DPYD: variants seen among roughly 807,000 people sequenced by gnomAD.
DPYD encodes dihydropyrimidine dehydrogenase.
Under a neutral mutation model 116.2 loss-of-function variants are expected in DPYD, and 109 were observed. That is an observed-to-expected ratio of 0.94 (90% CI 0.80 to 1.10). DPYD has a LOEUF of 1.10. Ranked by LOEUF, DPYD falls within the 50% of genes least tolerant of loss-of-function variation. The pLI is 0.00. For synonymous variants in DPYD, 440 were observed against 432.0 expected, an observed-to-expected ratio of 1.02 and a Z score of -0.23; for missense variants, 1,302 against 1,254.5, an observed-to-expected ratio of 1.04 and a Z score of -0.57.
At chr1:97,790,323 G>A (rs537520926) in intron 3 of DPYD, among the ~76,000 whole-genome samples, 1 of 152,248 alleles carries the variant, frequency 6.6e-6, no homozygotes, top group Non-Finnish European at 1.5e-5. Context: ...CACTTTTCTT[G>A]CATAAGAAAG....
intron 20 of DPYD, among the ~76,000 whole-genome samples, chr1:97,120,630 T>C (rs12080739): frequency 0.033 from 5,073 of 152,238 alleles, 261 homozygotes; most frequent in African/African-American, 0.12. Flanking sequence ...AACAGCCAAT[T>C]TGTGTCAATA....
At chr1:97,112,133 A>G (rs1343773430) in intron 20 of DPYD, among the ~76,000 whole-genome samples, 1 of 152,112 alleles carries the variant, frequency 6.6e-6, no homozygotes, top group East Asian at 1.9e-4. Context: ...ACTTATGTAC[A>G]CAGTGACACT....
At chr1:97,361,158 C>T (rs1278138911) in intron 16 of DPYD, among the ~76,000 whole-genome samples, 2 of 152,170 alleles carry the variant, frequency 1.3e-5, no homozygotes, top group Non-Finnish European at 2.9e-5. Flanking sequence ...AAACCACCAT[C>T]AGAGAATACT....
intron 4 of DPYD, among the ~76,000 whole-genome samples, chr1:97,740,075 T>C (rs1052718605): frequency 6.6e-6 from 1 of 152,142 alleles, no homozygotes; most frequent in African/African-American, 2.4e-5. Context: ...GTTTTGATGA[T>C]CAATGACAGT....
At chr1:97,726,858 T>C (rs888282645) in intron 4 of DPYD, among the ~76,000 whole-genome samples, 3 of 151,500 alleles carry the variant, frequency 2.0e-5, no homozygotes, top group Non-Finnish European at 4.4e-5. Flanking sequence ...GTTTGAAAAA[T>C]TGCAACAAAT....
At chr1:97,368,969 C>G (rs76869799) in intron 16 of DPYD, among the ~76,000 whole-genome samples, 3,974 of 152,218 alleles carry the variant, frequency 0.026, 77 homozygotes, top group Middle Eastern at 0.071. Flanking sequence ...AAAAACACAA[C>G]AACCACAACA....
chr1:97,116,175 T>C (rs1246783388), intron 20 of DPYD, among the ~76,000 whole-genome samples: 4 of 152,172 alleles, frequency 2.6e-5, no homozygotes, highest in African/African-American at 9.7e-5. Context: ...AAAGTTTGTC[T>C]TCCCAAATAA....
At chr1:97,170,387 C>A (rs544643669) in intron 20 of DPYD, among the ~76,000 whole-genome samples, 1 of 152,122 alleles carries the variant, frequency 6.6e-6, no homozygotes, top group Non-Finnish European at 1.5e-5. Flanking sequence ...GAAGCCCATT[C>A]GAGTACTCAG....
intron 18 of DPYD, among the ~76,000 whole-genome samples, chr1:97,288,228 A>T (rs1299313390): frequency 1.1e-4 from 16 of 148,816 alleles, no homozygotes; most frequent in Non-Finnish European, 1.5e-4. Context: ...CTCCCACACA[A>T]TAATAATGGG....
chr1:97,478,823 T>C (rs1678141477), intron 13 of DPYD, among the ~76,000 whole-genome samples: 1 of 152,248 alleles, frequency 6.6e-6, no homozygotes, highest in Non-Finnish European at 1.5e-5. Flanking sequence ...TCATCAGTTC[T>C]CTTAGCTGGA....
chr1:97,357,368 GT>G lies in DPYD; in HGVS notation c.2058+16192del, dbSNP rs202122806. Among the ~76,000 whole-genome samples, 638 of 139,728 alleles carry G rather than the reference GT, an allele frequency of 4.6e-3. 1 individual carries two copies. Among genetic ancestry groups the G allele is most frequent in the African/African-American group, 0.012 (444 of 38,406 alleles). 91.7% of individuals were successfully genotyped at this position (139,728 alleles called of 152,430 possible). A position where few individuals can be genotyped will look rare whatever the true frequency, so the allele number is the denominator to read the frequency against. The stretch of plus-strand genomic sequence containing the variant: ...GTGTTAATTTATTAGTTCTAACAGT[GT>G]TTTTTTTTTTTGGTGGAATCCTTAG... On this transcript the variant is annotated intron_variant, in intron 16 of 22. Coordinates refer to ENST00000370192, the MANE Select transcript of DPYD (RefSeq NM_000110.4).
chr1:97,636,072 T>A (rs1330374557), intron 8 of DPYD, among the ~76,000 whole-genome samples: 2 of 152,006 alleles, frequency 1.3e-5, no homozygotes, highest in Non-Finnish European at 2.9e-5. Context: ...CCACCCACCT[T>A]GGCCTCCCAA....
At chr1:97,165,297 T>C (rs1344475460) in intron 20 of DPYD, among the ~76,000 whole-genome samples, 2 of 151,960 alleles carry the variant, frequency 1.3e-5, no homozygotes, top group South Asian at 2.1e-4. Flanking sequence ...CAACTAATCA[T>C]CAACAAAGCT....
intron 4 of DPYD, among the ~76,000 whole-genome samples, chr1:97,722,737 G>T (rs1662993095): frequency 6.6e-6 from 1 of 151,416 alleles, no homozygotes; most frequent in South Asian, 2.1e-4. Context: ...ATAACAAAAA[G>T]GAACAATGAC....
chr1:97,866,373 C>T (rs940704005), intron 2 of DPYD, among the ~76,000 whole-genome samples: 3 of 151,870 alleles, frequency 2.0e-5, no homozygotes, highest in Non-Finnish European at 4.4e-5. Context: ...TTTAAAGAAG[C>T]AAATGAATTT....
intron 21 of DPYD, among the ~76,000 whole-genome samples, chr1:97,089,227 G>A (rs769597856): frequency 1.3e-5 from 2 of 152,032 alleles, no homozygotes; most frequent in African/African-American, 2.4e-5. Flanking sequence ...ATACATTCCC[G>A]GCTTCATAAA....
chr1:97,647,232 T>A (rs2100833230), intron 8 of DPYD, among the ~76,000 whole-genome samples: 1 of 152,212 alleles, frequency 6.6e-6, no homozygotes, highest in Non-Finnish European at 1.5e-5. Context: ...AATATTTTGG[T>A]GTCCTTTCCA....
intron 16 of DPYD, among the ~76,000 whole-genome samples, chr1:97,327,272 C>T (rs1400459799): frequency 1.9e-4 from 29 of 152,022 alleles, no homozygotes; most frequent in Admixed American, 1.9e-3. Flanking sequence ...GTAGACTCTG[C>T]TTCTCATAAT....
At chr1:97,397,712 A>G (rs1281211926) in intron 14 of DPYD, among the ~76,000 whole-genome samples, 2 of 152,120 alleles carry the variant, frequency 1.3e-5, no homozygotes, top group East Asian at 3.9e-4. Context: ...CCATTTTAGC[A>G]CTAAATAATA....
Sources: gnomAD v4.1 joint callset for allele counts (sites outside exome capture counted in the v4.1 genomes callset) on GRCh38, gnomAD v4.1.1 for gene constraint, MANE v1.5 for transcripts, NCBI Gene and HGNC (gene_info 2026-07-23, HGNC 2026-07-21) for gene names.